Variants in CUX2 observed in about 807,000 individuals in gnomAD.
CUX2 encodes homeobox protein cut-like 2.
In CUX2, 40 loss-of-function variants were observed where a neutral mutation model predicts 144.8. The observed-to-expected ratio is 0.28, with a 90% CI of 0.21 to 0.36. The LOEUF (loss-of-function observed/expected upper bound fraction) is 0.36. Ranked by LOEUF, CUX2 falls within the 10% of genes least tolerant of loss-of-function variation. CUX2 has a pLI of 1.00. For missense variants in CUX2, 1,615 were observed against 1,994.0 expected, an observed-to-expected ratio of 0.81 and a Z score of 3.62; for synonymous variants, 827 against 875.6, an observed-to-expected ratio of 0.94 and a Z score of 0.98.
At chr12:111,308,817 G>A (rs911945686) in intron 14 of CUX2, among the ~76,000 whole-genome samples, 4 of 152,168 alleles carry the variant, frequency 2.6e-5, no homozygotes, top group South Asian at 4.1e-4. Context: ...GTGGTCACAG[G>A]GGGACAAGCA....
At chr12:111,308,556 G>C (rs1347379860) in intron 14 of CUX2, 30 bp downstream of exon 14, 2 of 1,572,194 alleles carry the variant, frequency 1.3e-6, no homozygotes, top group South Asian at 1.2e-5. Context: ...TGGGGCTGAG[G>C]GCTGGGGCGG....
intron 1 of CUX2, among the ~76,000 whole-genome samples, chr12:111,169,132 T>A (rs534350982): frequency 6.6e-6 from 1 of 152,272 alleles, no homozygotes; most frequent in Non-Finnish European, 1.5e-5. Flanking sequence ...CTAAATCTAA[T>A]GACTGATTGT....
chr12:111,045,870 C>T (rs1159124131), intron 1 of CUX2, among the ~76,000 whole-genome samples: 1 of 152,232 alleles, frequency 6.6e-6, no homozygotes, highest in Non-Finnish European at 1.5e-5. Flanking sequence ...CCATAACACA[C>T]ACTTGGGACA....
At chr12:111,214,921 G>A (rs953746657) in intron 2 of CUX2, among the ~76,000 whole-genome samples, 3 of 152,098 alleles carry the variant, frequency 2.0e-5, no homozygotes, top group South Asian at 2.1e-4. Flanking sequence ...GTTATTTACC[G>A]GCCCGGATGT....
chr12:111,138,892 T>C (rs1876109538), intron 1 of CUX2, among the ~76,000 whole-genome samples: 1 of 152,026 alleles, frequency 6.6e-6, no homozygotes, highest in South Asian at 2.1e-4. Context: ...GGGGCGACAC[T>C]GGACTCTCGC....
At chr12:111,225,920 A>AG (rs1882111907) in intron 3 of CUX2, among the ~76,000 whole-genome samples, 4 of 152,176 alleles carry the variant, frequency 2.6e-5, no homozygotes, top group Non-Finnish European at 5.9e-5. Context: ...AATGAGAAGA[A>AG]GGCCTCCCAT....
intron 3 of CUX2, among the ~76,000 whole-genome samples, chr12:111,220,743 C>CAAAAAAAA (rs549438290): frequency 4.1e-4 from 16 of 39,132 alleles, no homozygotes; most frequent in East Asian, 1.5e-3. Context: ...CTCATCTCTG[C>CAAAAAAAA]AAAAAAAAAA....
chr12:111,243,044 T>C (rs1298177819), intron 3 of CUX2, among the ~76,000 whole-genome samples: 2 of 152,224 alleles, frequency 1.3e-5, no homozygotes, highest in Non-Finnish European at 2.9e-5. Context: ...CATCCTTTTT[T>C]ATGGCTGCAT....
At chr12:111,134,610 C>CTGTGTGTGTGTGTG (rs1483403424) in intron 1 of CUX2, among the ~76,000 whole-genome samples, 23 of 138,362 alleles carry the variant, frequency 1.7e-4, no homozygotes, top group African/African-American at 7.0e-4. Flanking sequence ...CTCTCTCTCT[C>CTGTGTGTGTGTGTG]TCTCTCTCTC....
At position 111,171,187 on chromosome 12, in the gene CUX2, C is replaced by T. The variant is rs1042176681; in HGVS notation, c.64-43013C>T. 2.6e-5 allele frequency among the ~76,000 whole-genome samples: 4 copies of T among 152,066 alleles called. No individual in the cohort carries two copies. The highest frequency in any genetic ancestry group is 2.1e-4 in the South Asian group (1 of 4,828). ...CAGAGATGGAGAAGTTGGGCAACCCCCAGTCTGATGGACGGGGTGCAGAGT... is the reference window on the plus strand; with the variant it reads ...CAGAGATGGAGAAGTTGGGCAACCCTCAGTCTGATGGACGGGGTGCAGAGT... On this transcript the variant is annotated intron_variant, in intron 1 of 21. Coordinates refer to ENST00000261726, the MANE Select transcript of CUX2 (RefSeq NM_015267.4). The surrounding 1 kb of genome is among the most constrained non-coding windows in gnomAD (Gnocchi z 5.0).
intron 1 of CUX2, among the ~76,000 whole-genome samples, chr12:111,149,451 T>A (rs952648216): frequency 1.3e-5 from 2 of 152,154 alleles, no homozygotes; most frequent in African/African-American, 2.4e-5. Context: ...TGCCTGTATA[T>A]TGTGGGGTGT....
intron 1 of CUX2, among the ~76,000 whole-genome samples, chr12:111,100,787 G>A (rs1873178987): frequency 6.6e-6 from 1 of 152,218 alleles, no homozygotes; most frequent in South Asian, 2.1e-4. Flanking sequence ...GAGCACCTGT[G>A]TGAGTATGTA....
At chr12:111,239,436 G>A (rs552090410) in intron 3 of CUX2, among the ~76,000 whole-genome samples, 2 of 152,150 alleles carry the variant, frequency 1.3e-5, no homozygotes, top group Non-Finnish European at 2.9e-5. Context: ...CTGAGAAGTC[G>A]CAGCCCAGTT....
rs530325746 is a variant in CUX2, at chr12:111,213,015, C to T, written c.64-1185C>T. On this transcript the variant is annotated intron_variant, in intron 1 of 21. Transcript: ENST00000261726. ...TGATGACAAATGGGGTCTTTCAACACGGTGCCGGGCCTCATCATACATATG... is the reference window on the plus strand; with the variant it reads ...TGATGACAAATGGGGTCTTTCAACATGGTGCCGGGCCTCATCATACATATG... Among the ~76,000 whole-genome samples, 12 of 152,296 alleles carry T rather than the reference C, an allele frequency of 7.9e-5. No individual in the cohort carries two copies. In the South Asian group the frequency reaches 8.3e-4, roughly 11 times the overall value.
intron 1 of CUX2, among the ~76,000 whole-genome samples, chr12:111,180,406 C>T (rs753650998): frequency 1.9e-4 from 29 of 152,254 alleles, no homozygotes; most frequent in African/African-American, 2.9e-4. Flanking sequence ...AGACCTCCAC[C>T]GAAGAACCCT....
chr12:111,291,651 G>A, intron 5 of CUX2, 99 bp downstream of exon 5: 2 of 1,375,298 alleles, frequency 1.5e-6, no homozygotes, highest in South Asian at 3.3e-5. Flanking sequence ...GGCTGGGGCA[G>A]GGAACTGGGC....
intron 1 of CUX2, among the ~76,000 whole-genome samples, chr12:111,058,138 C>T (rs544544249): frequency 4.6e-5 from 7 of 152,264 alleles, no homozygotes; most frequent in African/African-American, 1.7e-4. Context: ...ATGAAAAGAA[C>T]AAAGCTTGAT....
At position 111,341,995 on chromosome 12, in the gene CUX2, C is replaced by T; in HGVS notation, c.3601C>T (p.Leu1201Phe). The change falls in exon 21 of 22, where the codon CTC becomes TTC. Residue 1201 changes from leucine (L) to phenylalanine (F), a missense_variant. By Grantham distance (22) the Leu-to-Phe change is conservative. This residue lies in a region of CUX2 where 131 missense variants were observed against 223.1 expected (regional missense o/e 0.59). Transcript: ENST00000261726. ...PYPSQQTIEL[L>F]SFQLNLKTNT... ...CCCCTCGCAGCAGACCATCGAGCTC[C>T]TCTCCTTCCAGCTCAACCTCAAGAC... is the stretch of plus-strand genomic sequence containing the variant. 6.2e-7 allele frequency: 1 copy of T among 1,614,108 alleles called. No individual in the cohort carries two copies. Among genetic ancestry groups the T allele is most frequent in the Non-Finnish European group, 8.5e-7 (1 of 1,180,018 alleles).
At chr12:111,065,524 C>T (rs58660873) in intron 1 of CUX2, among the ~76,000 whole-genome samples, 11,330 of 152,224 alleles carry the variant, frequency 0.074, 1,397 homozygotes, top group African/African-American at 0.26. Context: ...TTAGTAGAGA[C>T]GGGGTTTGAC....
Sources: gnomAD v4.1 joint callset for allele counts (sites outside exome capture counted in the v4.1 genomes callset) on GRCh38, gnomAD v4.1.1 for gene constraint, gnomAD v4.1.1 regional missense constraint, Gnocchi (gnomAD v3.1) non-coding constraint, MANE v1.5 for transcripts, NCBI Gene and HGNC (gene_info 2026-07-23, HGNC 2026-07-21) for gene names.